The following CSNK1A1 variants were observed in gnomAD, a reference collection of about 807,000 sequenced individuals.
CSNK1A1 encodes casein kinase I isoform alpha.
In CSNK1A1, 7 loss-of-function variants were observed where a neutral mutation model predicts 46.1. The ratio of observed to expected loss-of-function variants is 0.15; its 90% CI spans 0.09 to 0.29. The LOEUF (loss-of-function observed/expected upper bound fraction) is 0.29. CSNK1A1 is among the 10% of genes least tolerant of loss of function. CSNK1A1 has a pLI of 1.00. For missense variants in CSNK1A1, 96 were observed against 417.1 expected (o/e 0.23, Z 6.71); for synonymous variants, 137 against 141.5 (o/e 0.97, Z 0.23).
intron 3 of CSNK1A1, 134 bp downstream of exon 3, chr5:149,524,911 C>G (rs964531390): frequency 1.3e-6 from 1 of 744,192 alleles, no homozygotes; most frequent in African/African-American, 1.8e-5. Context: ...CTACAAGTCA[C>G]ATTATTATTT....
chr5:149,545,401 A>AT, intron 2 of CSNK1A1: 1 of 489,774 alleles, frequency 2.0e-6, no homozygotes, highest in Non-Finnish European at 3.7e-6. Flanking sequence ...AAGCCTTTGT[A>AT]GGGGCCTGAG....
chr5:149,516,574 C>T (rs1761411324), intron 4 of CSNK1A1, among the ~76,000 whole-genome samples: 2 of 151,742 alleles, frequency 1.3e-5, no homozygotes, highest in South Asian at 4.2e-4. Context: ...TGTACAAAAT[C>T]TAAACAATGT....
chr5:149,506,014 T>G (rs1761011298), intron 8 of CSNK1A1, among the ~76,000 whole-genome samples: 3 of 151,916 alleles, frequency 2.0e-5, no homozygotes, highest in African/African-American at 7.3e-5. Flanking sequence ...GCAACCTCCG[T>G]CTCGCAGGTT....
At chr5:149,549,286 T>C in intron 2 of CSNK1A1, 4 of 559,694 alleles carry the variant, frequency 7.1e-6, no homozygotes, top group Non-Finnish European at 1.3e-5. Flanking sequence ...TATACAAATT[T>C]AGTCCCGACT....
At chr5:149,539,546 G>A (rs1369635856) in intron 2 of CSNK1A1, among the ~76,000 whole-genome samples, 2 of 151,690 alleles carry the variant, frequency 1.3e-5, no homozygotes, top group African/African-American at 4.8e-5. Flanking sequence ...TGATGGGGGT[G>A]AGTAGCAAAG....
intron 3 of CSNK1A1, among the ~76,000 whole-genome samples, chr5:149,521,470 T>C (rs1761568476): frequency 6.6e-6 from 1 of 151,980 alleles, no homozygotes; most frequent in Non-Finnish European, 1.5e-5. Flanking sequence ...TAATTTTTGG[T>C]AGAGACGGGA....
intron 2 of CSNK1A1, among the ~76,000 whole-genome samples, chr5:149,538,450 C>T (rs1016140624): frequency 6.6e-6 from 1 of 152,138 alleles, no homozygotes; most frequent in African/African-American, 2.4e-5. Context: ...CCAAGAGAGT[C>T]TCAAACTATC....
chr5:149,545,649 A>C, intron 2 of CSNK1A1: 2 of 892,046 alleles, frequency 2.2e-6, no homozygotes, highest in South Asian at 1.3e-5. Flanking sequence ...CAGCAAGTGC[A>C]CTCATTGCCT....
intron 6 of CSNK1A1, among the ~76,000 whole-genome samples, chr5:149,510,671 G>T (rs1761192139): frequency 6.6e-6 from 1 of 151,616 alleles, no homozygotes; most frequent in Non-Finnish European, 1.5e-5. Context: ...TAGAGGTGAG[G>T]TCTTGCCATA....
chr5:149,498,500 G>A, intron 9 of CSNK1A1: 1 of 985,190 alleles, frequency 1.0e-6, no homozygotes, highest in Non-Finnish European at 1.2e-6. Context: ...TACAGGAAAA[G>A]TTTCAAGCTT....
At chr5:149,514,032 T>A (rs1053983300) in intron 4 of CSNK1A1, among the ~76,000 whole-genome samples, 5 of 152,188 alleles carry the variant, frequency 3.3e-5, no homozygotes, top group African/African-American at 1.2e-4. Flanking sequence ...CAAGACTTTT[T>A]ATTAATAAAA....
chr5:149,542,857 G>A (rs1460845766), intron 2 of CSNK1A1, among the ~76,000 whole-genome samples: 1 of 149,740 alleles, frequency 6.7e-6, no homozygotes, highest in Non-Finnish European at 1.5e-5. Flanking sequence ...CACCATGCTT[G>A]GCTAATTTTT....
intron 4 of CSNK1A1, among the ~76,000 whole-genome samples, chr5:149,516,910 T>C (rs1761422423): frequency 6.6e-6 from 1 of 152,196 alleles, no homozygotes; most frequent in South Asian, 2.1e-4. Context: ...ACAAAGCATG[T>C]TTTTTGTTTT....
chr5:149,538,940 A>C (rs938810711), intron 2 of CSNK1A1, among the ~76,000 whole-genome samples: 9 of 152,024 alleles, frequency 5.9e-5, no homozygotes, highest in Admixed American at 3.9e-4. Context: ...AAAAAAGAAA[A>C]AGAAAAAATT....
At chr5:149,543,859 C>T (rs912012818) in intron 2 of CSNK1A1, among the ~76,000 whole-genome samples, 3 of 151,900 alleles carry the variant, frequency 2.0e-5, no homozygotes, top group African/African-American at 7.3e-5. Flanking sequence ...TTCTGAATAG[C>T]CACTGCACTC....
At chr5:149,534,464 C>A (rs1432689268) in intron 2 of CSNK1A1, among the ~76,000 whole-genome samples, 1 of 113,522 alleles carries the variant, frequency 8.8e-6, no homozygotes, top group Non-Finnish European at 1.7e-5. Context: ...AGCCTGGCGA[C>A]AGAGCGAGAC....
At chr5:149,507,938 G>T (rs1308967410) in intron 7 of CSNK1A1, among the ~76,000 whole-genome samples, 4 of 152,168 alleles carry the variant, frequency 2.6e-5, no homozygotes, top group African/African-American at 9.7e-5. Flanking sequence ...CCTTAGGAAA[G>T]ATTCTCAACA....
intron 2 of CSNK1A1, among the ~76,000 whole-genome samples, chr5:149,538,269 G>A (rs972309185): frequency 1.1e-4 from 17 of 152,002 alleles, no homozygotes; most frequent in African/African-American, 1.7e-4. Context: ...TGATCCGCCC[G>A]CCTCGGCCAC....
At chr5:149,527,556 A>C (rs1761759941) in intron 2 of CSNK1A1, among the ~76,000 whole-genome samples, 1 of 152,358 alleles carries the variant, frequency 6.6e-6, no homozygotes, top group Admixed American at 6.5e-5. Flanking sequence ...TACTTGAAAG[A>C]AGCTCACAGT....
Sources: gnomAD v4.1 joint callset for allele counts (sites outside exome capture counted in the v4.1 genomes callset) on GRCh38, gnomAD v4.1.1 for gene constraint, MANE v1.5 for transcripts, NCBI Gene and HGNC (gene_info 2026-07-23, HGNC 2026-07-21) for gene names.